The following LYPLA2 variants were observed in gnomAD, a reference collection of about 807,000 sequenced individuals.
The protein encoded by LYPLA2 is acyl-protein thioesterase 2.
Under a neutral mutation model 30.3 loss-of-function variants are expected in LYPLA2, and 7 were observed. The observed-to-expected ratio is 0.23, with a 90% confidence interval of 0.13 to 0.43. LYPLA2 has a LOEUF of 0.43. Among genes scored for constraint, LYPLA2 ranks in the 20% least tolerant of loss-of-function variants. The pLI is 1.00. For synonymous variants in LYPLA2, 112 were observed against 118.2 expected (o/e 0.95, Z 0.34); for missense variants, 206 against 307.9 (o/e 0.67, Z 2.48).
At position 23,794,978 on chromosome 1, in the gene LYPLA2, T is replaced by C; in HGVS notation, c.*246T>C. 1 of 682,932 alleles carries C rather than the reference T, an allele frequency of 1.5e-6. No homozygotes were observed. The highest frequency in any genetic ancestry group is 2.7e-6 in the Non-Finnish European group (1 of 373,784). The allele number at this position is 682,932 out of a possible 1,614,324, so 42.3% of individuals were successfully genotyped here. A position where few individuals can be genotyped will look rare whatever the true frequency, so the allele number is the denominator to read the frequency against. ...CCATTTCCCTGGAGGCGGGCCCCCCTGGCAGCAGTATTGGAGGGGCTACAG... is the reference window on the plus strand; with the variant it reads ...CCATTTCCCTGGAGGCGGGCCCCCCCGGCAGCAGTATTGGAGGGGCTACAG... On this transcript the variant is annotated 3_prime_UTR_variant, in exon 10 of 10. Coordinates refer to ENST00000374514, the MANE Select transcript of LYPLA2 (RefSeq NM_007260.3). The surrounding 1 kb of genome is among the most constrained non-coding windows in gnomAD (Gnocchi z 5.9).
In LYPLA2 at chr1:23,794,005, G is replaced by C. The variant is rs534442034; in HGVS notation, c.296-58G>C. The C allele has an allele frequency of 1.5e-5, 24 of 1,596,088 alleles. No individual in the cohort carries two copies. Among genetic ancestry groups the C allele is most frequent in the South Asian group, 4.4e-5 (4 of 90,748 alleles). On this transcript the variant is annotated intron_variant, in intron 6 of 9. Transcript: ENST00000374514. This position sits in a 1 kb window ranked among gnomAD's most constrained non-coding sequence, Gnocchi z 5.9. ...AAGCGCTGGGCGGTTCCTCAGCCTA[G>C]CTCCCTTATTGGGCCCCTTGGCAGC...
chr1:23,792,434 C>A, intron 1 of LYPLA2: 1 of 539,306 alleles, frequency 1.9e-6, no homozygotes, highest in East Asian at 3.2e-5. Context: ...TGGGCCAGAA[C>A]CAGAGACACA....
Position 23,793,592 on chromosome 1 carries a change from G to A in LYPLA2, c.177-113G>A, listed in dbSNP as rs565602493. 2 of 1,099,590 alleles carry A rather than the reference G, an allele frequency of 1.8e-6. No individual in the cohort carries two copies. Among genetic ancestry groups the A allele is most frequent in the East Asian group, 4.7e-5 (2 of 42,578 alleles). 68.1% of individuals were successfully genotyped at this position (1,099,590 alleles called of 1,614,324 possible). On this transcript the variant is annotated intron_variant, in intron 4 of 9. Transcript: ENST00000374514. The surrounding 1 kb of genome is among the most constrained non-coding windows in gnomAD (Gnocchi z 6.0). ...TTGCCTGGCAACACCTTAAACACAG[G>A]CCCTGCCTGCTGGGAGGGGCCACCA...
rs753115075 is a variant in LYPLA2, at chr1:23,794,787, C to T, written c.*55C>T. On this transcript the variant is annotated 3_prime_UTR_variant, in exon 10 of 10. Coordinates refer to ENST00000374514, the MANE Select transcript of LYPLA2 (RefSeq NM_007260.3). The surrounding 1 kb of genome is among the most constrained non-coding windows in gnomAD (Gnocchi z 5.9). ...GCTCATGGGGGACTCAGCAAGCAAGCGTGGCACCATCTTGGATCTGAGCCG... is the reference window on the plus strand; with the variant it reads ...GCTCATGGGGGACTCAGCAAGCAAGTGTGGCACCATCTTGGATCTGAGCCG... 619 of 1,595,720 alleles carry T rather than the reference C, an allele frequency of 3.9e-4. 1 individual carries two copies. The highest frequency in any genetic ancestry group is 4.9e-4 in the Non-Finnish European group (568 of 1,165,014).
Position 23,793,964 on chromosome 1 carries a change from C to T in LYPLA2, c.295+34C>T, listed in dbSNP as rs745951505. The T allele has an allele frequency of 3.7e-6, 6 of 1,600,432 alleles. No individual in the cohort carries two copies. In the African/African-American group the frequency reaches 4.0e-5, roughly 11 times the overall value. ...CCAGCCCCTCCTCCACATCCTCCTT[C>T]CCCTGCCCCCCAGGAAAGCGCTGGG... is the stretch of plus-strand genomic sequence containing the variant. On this transcript the variant is annotated intron_variant, in intron 6 of 9. Transcript: ENST00000374514. The surrounding 1 kb of genome is among the most constrained non-coding windows in gnomAD (Gnocchi z 6.0).
rs1638782132 is a variant in LYPLA2, at chr1:23,791,182, G to C, written c.-95G>C. On this transcript the variant is annotated 5_prime_UTR_variant, in exon 1 of 10. Coordinates refer to ENST00000374514, the MANE Select transcript of LYPLA2 (RefSeq NM_007260.3). ...GAAGTTCCGGCGGGGGCGGCCGAGGGGGAAGAGTGTGTCTGCGGGAGAAAG... is the reference window on the plus strand; with the variant it reads ...GAAGTTCCGGCGGGGGCGGCCGAGGCGGAAGAGTGTGTCTGCGGGAGAAAG... 1 of 152,798 alleles carries C rather than the reference G, an allele frequency of 6.5e-6. No individual in the cohort carries two copies. Among genetic ancestry groups the C allele is most frequent in the Admixed American group, 6.5e-5 (1 of 15,284 alleles). The allele number at this position is 152,798 out of a possible 1,614,324, so 9.5% of individuals were successfully genotyped here.
Position 23,793,948 on chromosome 1 carries a change from C to T in LYPLA2, c.295+18C>T. 6.2e-7 allele frequency: 1 copy of T among 1,608,974 alleles called. No individual in the cohort carries two copies. The highest frequency in any genetic ancestry group is 8.5e-7 in the Non-Finnish European group (1 of 1,175,428). ...AGAGAACAGTAAGACCCCAGCCCCT[C>T]CTCCACATCCTCCTTCCCCTGCCCC... On this transcript the variant is annotated intron_variant, in intron 6 of 9. Transcript: ENST00000374514. This position sits in a 1 kb window ranked among gnomAD's most constrained non-coding sequence, Gnocchi z 6.0.
At chr1:23,792,822 G>C (rs2148405645) in intron 2 of LYPLA2, 62 bp downstream of exon 2, 2 of 1,482,888 alleles carry the variant, frequency 1.3e-6, no homozygotes, top group Non-Finnish European at 1.9e-6. Flanking sequence ...CCGGCTGGAG[G>C]GGGTGTGGGA....
Position 23,794,248 on chromosome 1 carries a change from GC to G in LYPLA2, c.397del (p.Leu133SerfsTer13). The G allele has an allele frequency of 6.2e-7, 1 of 1,611,314 alleles. No homozygotes were observed. The stretch of plus-strand genomic sequence containing the variant: ...GGGCGGGGCCCTGTCCCTCTACACG[GC>G]CCTCACCTGCCCCCACCCTCTGGCT... Reference protein sequence around the residue: ...SQGGALSLYTALTCPHPLAGI... With the variant: ...SQGGALSLYTXLTCPHPLAGI... On this transcript the variant is annotated frameshift_variant, in exon 8 of 10. Coordinates refer to ENST00000374514, the MANE Select transcript of LYPLA2 (RefSeq NM_007260.3). LOFTEE classifies it high-confidence loss of function. This position sits in a 1 kb window ranked among gnomAD's most constrained non-coding sequence, Gnocchi z 5.9.
In LYPLA2 at chr1:23,793,315, G is replaced by T; in HGVS notation, c.176+99G>T. ...TTCTCTCCTGTCAGTTGCATCCTGGGGCTTGGGCTCAGGGCAGTCAGAAGT... is the reference window on the plus strand; with the variant it reads ...TTCTCTCCTGTCAGTTGCATCCTGGTGCTTGGGCTCAGGGCAGTCAGAAGT... On this transcript the variant is annotated intron_variant, in intron 4 of 9. Coordinates refer to ENST00000374514, the MANE Select transcript of LYPLA2 (RefSeq NM_007260.3). The surrounding 1 kb of genome is among the most constrained non-coding windows in gnomAD (Gnocchi z 6.0). 1 of 1,300,208 alleles carries T rather than the reference G, an allele frequency of 7.7e-7. No individual in the cohort carries two copies. Among genetic ancestry groups the T allele is most frequent in the Non-Finnish European group, 1.1e-6 (1 of 909,438 alleles). The allele number at this position is 1,300,208 out of a possible 1,614,324, so 80.5% of individuals were successfully genotyped here.
In LYPLA2 at chr1:23,794,977, CT is replaced by C; in HGVS notation, c.*246del. The C allele has an allele frequency of 2.9e-6, 2 of 685,026 alleles. No individual in the cohort carries two copies. Among genetic ancestry groups the C allele is most frequent in the Non-Finnish European group, 5.3e-6 (2 of 375,084 alleles). The allele number at this position is 685,026 out of a possible 1,614,324, so 42.4% of individuals were successfully genotyped here. ...TCCATTTCCCTGGAGGCGGGCCCCC[CT>C]GGCAGCAGTATTGGAGGGGCTACAG... On this transcript the variant is annotated 3_prime_UTR_variant, in exon 10 of 10. Coordinates refer to ENST00000374514, the MANE Select transcript of LYPLA2 (RefSeq NM_007260.3). The surrounding 1 kb of genome is among the most constrained non-coding windows in gnomAD (Gnocchi z 5.9).
rs764121267 is a variant in LYPLA2, at chr1:23,794,748, A to G, written c.*16A>G. The G allele has an allele frequency of 1.9e-6, 3 of 1,614,000 alleles. No individual in the cohort carries two copies. The highest frequency in any genetic ancestry group is 2.5e-6 in the Non-Finnish European group (3 of 1,179,918). On this transcript the variant is annotated 3_prime_UTR_variant, in exon 10 of 10. Coordinates refer to ENST00000374514, the MANE Select transcript of LYPLA2 (RefSeq NM_007260.3). The surrounding 1 kb of genome is among the most constrained non-coding windows in gnomAD (Gnocchi z 5.9). ...TCCTGTCTAACTAGTCGCTGGCCCC[A>G]GTGCAGTACCCCAGCTCATGGGGGA... is the stretch of plus-strand genomic sequence containing the variant.
chr1:23,794,669 T>G lies in LYPLA2; in HGVS notation c.646-13T>G, dbSNP rs950071101. 6.2e-7 allele frequency: 1 copy of G among 1,614,104 alleles called. No individual in the cohort carries two copies. Among genetic ancestry groups the G allele is most frequent in the African/African-American group, 1.3e-5 (1 of 74,942 alleles). ...GCCAGGTGCCTCTCGTGATCCCCTCTTAATCCCCTCAGGAGATGGCAGCTG... is the reference window on the plus strand; with the variant it reads ...GCCAGGTGCCTCTCGTGATCCCCTCGTAATCCCCTCAGGAGATGGCAGCTG... On this transcript the variant is annotated splice_polypyrimidine_tract_variant and intron_variant, in intron 9 of 9. Coordinates refer to ENST00000374514, the MANE Select transcript of LYPLA2 (RefSeq NM_007260.3). This position sits in a 1 kb window ranked among gnomAD's most constrained non-coding sequence, Gnocchi z 5.9.
At position 23,794,691 on chromosome 1, in the gene LYPLA2, G is replaced by A. The variant is rs1314888640; in HGVS notation, c.655G>A (p.Ala219Thr). The change falls in exon 10 of 10, where the codon GCT becomes ACT. Residue 219 changes from alanine to threonine, a missense_variant. Coordinates refer to ENST00000374514, the MANE Select transcript of LYPLA2 (RefSeq NM_007260.3). This position sits in a 1 kb window ranked among gnomAD's most constrained non-coding sequence, Gnocchi z 5.9. ...MHSSCPQEMA[A>T]VKEFLEKLLP... ...CTCTTAATCCCCTCAGGAGATGGCA[G>A]CTGTGAAGGAATTTCTTGAGAAGCT... is the stretch of plus-strand genomic sequence containing the variant. 6.2e-7 allele frequency: 1 copy of A among 1,614,212 alleles called. No individual in the cohort carries two copies. Among genetic ancestry groups the A allele is most frequent in the Admixed American group, 1.7e-5 (1 of 60,028 alleles).
intron 1 of LYPLA2, among the ~76,000 whole-genome samples, chr1:23,792,363 C>A (rs1638813625): frequency 6.6e-6 from 1 of 152,124 alleles, no homozygotes; most frequent in Non-Finnish European, 1.5e-5. Flanking sequence ...CCCTCTGCCC[C>A]CTGCCCTACA....
Position 23,793,278 on chromosome 1 carries a change from A to AT in LYPLA2, c.176+63dup, listed in dbSNP as rs1638837243. On this transcript the variant is annotated intron_variant, in intron 4 of 9. Transcript: ENST00000374514. The surrounding 1 kb of genome is among the most constrained non-coding windows in gnomAD (Gnocchi z 6.0). ...GGGATCATCTGGGGGTGGTCCTGTC[A>AT]TCCCAGGCCTGTTCTCTCCTGTCAG... is the stretch of plus-strand genomic sequence containing the variant. 2.6e-6 allele frequency: 4 copies of AT among 1,534,778 alleles called. No homozygotes were observed. The highest frequency in any genetic ancestry group is 3.4e-5 in the Admixed American group (2 of 59,496).
At chr1:23,792,576 G>A in intron 1 of LYPLA2, 81 bp from the exon 2 acceptor site, 1 of 811,556 alleles carries the variant, frequency 1.2e-6, no homozygotes, top group Non-Finnish European at 2.1e-6. Flanking sequence ...GCTGTGTGGG[G>A]CTGATGGCCT....
Position 23,793,603 on chromosome 1 carries a change from TG to T in LYPLA2, c.177-99del. 1 of 1,212,304 alleles carries T rather than the reference TG, an allele frequency of 8.2e-7. No homozygotes were observed. Among genetic ancestry groups the T allele is most frequent in the Non-Finnish European group, 1.2e-6 (1 of 816,262 alleles). The allele number at this position is 1,212,304 out of a possible 1,614,324, so 75.1% of individuals were successfully genotyped here. On this transcript the variant is annotated intron_variant, in intron 4 of 9. Transcript: ENST00000374514. The surrounding 1 kb of genome is among the most constrained non-coding windows in gnomAD (Gnocchi z 6.0). ...CACCTTAAACACAGGCCCTGCCTGCTGGGAGGGGCCACCAGGGGCGGCGCGG... is the reference window on the plus strand; with the variant it reads ...CACCTTAAACACAGGCCCTGCCTGCTGGAGGGGCCACCAGGGGCGGCGCGG...
chr1:23,794,564 G>A lies in LYPLA2; in HGVS notation c.609G>A (p.Lys203=), dbSNP rs1557475327. 2.7e-5 allele frequency: 44 copies of A among 1,614,056 alleles called. No homozygotes were observed. The highest frequency in any genetic ancestry group is 3.6e-5 in the Non-Finnish European group (43 of 1,180,022). ...SVVTPARVQF[K]TYPGVMHSSC... ...TCACACCTGCCAGGGTCCAGTTCAA[G>A]ACATACCCGGGTGTCATGCACAGCT... is the stretch of plus-strand genomic sequence containing the variant. The change falls in exon 9 of 10, where the codon AAG becomes AAA. Residue 203 remains lysine, a synonymous_variant. Transcript: ENST00000374514. The surrounding 1 kb of genome is among the most constrained non-coding windows in gnomAD (Gnocchi z 5.9).
Sources: allele counts gnomAD v4.1 joint callset (sites outside exome capture counted in the v4.1 genomes callset), GRCh38; gene constraint gnomAD v4.1.1; non-coding constraint Gnocchi (gnomAD v3.1); transcripts MANE v1.5; gene names NCBI Gene and HGNC (gene_info 2026-07-23, HGNC 2026-07-21).